KALRN: variants seen among roughly 807,000 people sequenced by gnomAD.
The protein encoded by KALRN is kalirin.
KALRN carries 70 observed loss-of-function variants against 353.7 expected under a neutral mutation model. The ratio of observed to expected loss-of-function variants is 0.20; its 90% CI spans 0.16 to 0.24. The LOEUF is 0.24. KALRN is among the 10% of genes least tolerant of loss of function. The pLI is 1.00. For synonymous variants in KALRN, 1,391 were observed against 1,434.8 expected (o/e 0.97, Z 0.69); for missense variants, 2,791 against 3,756.7 (o/e 0.74, Z 6.72).
At chr3:124,416,136 G>T (rs2092479543) in intron 14 of KALRN, among the ~76,000 whole-genome samples, 1 of 152,218 alleles carries the variant, frequency 6.6e-6, no homozygotes, top group African/African-American at 2.4e-5. Context: ...GAGAAGCTAT[G>T]CAGGGATGCT....
At position 124,720,888 on chromosome 3, in the gene KALRN, C is replaced by A. The variant is rs2063342973; in HGVS notation, c.*1418C>A. ...TTTTTTGTGTTTGTACATGATCCAC[C>A]CTTAGTTTTCTAGAATGTGTGTTGA... On this transcript the variant is annotated 3_prime_UTR_variant, in exon 60 of 60. Coordinates refer to ENST00000682506, the MANE Select transcript of KALRN (RefSeq NM_001388419.1). 6.6e-6 allele frequency: 1 copy of A among 151,864 alleles called. No individual in the cohort carries two copies. Among genetic ancestry groups the A allele is most frequent in the Non-Finnish European group, 1.5e-5 (1 of 67,966 alleles). The allele number at this position is 151,864 out of a possible 1,614,324, so 9.4% of individuals were successfully genotyped here. A position where few individuals can be genotyped will look rare whatever the true frequency, so the allele number is the denominator to read the frequency against.
At chr3:124,637,329 C>G (rs768744504) in intron 37 of KALRN, 26 bp downstream of exon 37, 1 of 1,513,684 alleles carries the variant, frequency 6.6e-7, no homozygotes, top group African/African-American at 1.4e-5. Context: ...GGAGGCAGTT[C>G]TGTGTGTGTC....
At position 124,717,172 on chromosome 3, in the gene KALRN, T is replaced by G. The variant is rs541939112; in HGVS notation, c.8277-75T>G. 4 of 1,379,052 alleles carry G rather than the reference T, an allele frequency of 2.9e-6. No homozygotes were observed. In the African/African-American group the frequency reaches 5.8e-5, roughly 20 times the overall value. 85.4% of individuals were successfully genotyped at this position (1,379,052 alleles called of 1,614,324 possible). On this transcript the variant is annotated intron_variant, in intron 58 of 59. Coordinates refer to ENST00000682506, the MANE Select transcript of KALRN (RefSeq NM_001388419.1). Reference sequence around the variant, plus strand: ...GTATGAGAGAGTTTAGAGATCTTACTGATTTGTACATGTGTTATTTTTCTA... The same window carrying G: ...GTATGAGAGAGTTTAGAGATCTTACGGATTTGTACATGTGTTATTTTTCTA...
At chr3:124,555,087 C>T (rs1291665250) in intron 33 of KALRN, among the ~76,000 whole-genome samples, 1 of 152,110 alleles carries the variant, frequency 6.6e-6, no homozygotes, top group Non-Finnish European at 1.5e-5. Flanking sequence ...TTAGCCCCAC[C>T]TGTAGGTCCA....
At chr3:124,615,594 A>G (rs1377655023) in intron 34 of KALRN, among the ~76,000 whole-genome samples, 1 of 152,262 alleles carries the variant, frequency 6.6e-6, no homozygotes, top group African/African-American at 2.4e-5. Context: ...TAAAGAGTAT[A>G]TAGGAATTAT....
Position 124,633,931 on chromosome 3 carries a change from A to G in KALRN, c.5546A>G (p.Asn1849Ser). Residue 1849 changes from asparagine to serine, a missense_variant, in exon 36 of 60, where the codon AAC (asparagine) becomes AGC (serine). This residue lies in a region of KALRN where 1,065 missense variants were observed against 1,156.4 expected (regional missense o/e 0.92). Coordinates refer to ENST00000682506, the MANE Select transcript of KALRN (RefSeq NM_001388419.1). The part of the protein sequence containing the change: ...PLPPPMKIFD[N>S]DPTQDEMSSS... ...CCACCACCTATGAAGATTTTTGACAACGACCCTACACAGGATGAAATGGTA... is the reference window on the plus strand; with the variant it reads ...CCACCACCTATGAAGATTTTTGACAGCGACCCTACACAGGATGAAATGGTA... The G allele has an allele frequency of 6.2e-7, 1 of 1,613,922 alleles. No homozygotes were observed. The highest frequency in any genetic ancestry group is 8.5e-7 in the Non-Finnish European group (1 of 1,179,856).
At chr3:124,507,115 T>G (rs899634564) in intron 33 of KALRN, among the ~76,000 whole-genome samples, 4 of 152,184 alleles carry the variant, frequency 2.6e-5, no homozygotes, top group African/African-American at 9.7e-5. Flanking sequence ...GAAAAAGGAT[T>G]TGAAGGTATA....
chr3:124,479,525 A>T (rs1010419317), intron 27 of KALRN, among the ~76,000 whole-genome samples: 3 of 152,134 alleles, frequency 2.0e-5, no homozygotes, highest in African/African-American at 7.2e-5. Context: ...AAAAGGCATA[A>T]TCTTTGTGGC....
intron 51 of KALRN, among the ~76,000 whole-genome samples, chr3:124,688,654 G>A (rs2061670667): frequency 6.6e-6 from 1 of 152,098 alleles, no homozygotes; most frequent in South Asian, 2.1e-4. Context: ...TTCTCAATAC[G>A]TAGTTTTGAG....
chr3:124,632,809 C>A, intron 35 of KALRN, 106 bp downstream of exon 35: 2 of 1,062,560 alleles, frequency 1.9e-6, no homozygotes, highest in South Asian at 3.1e-5. Flanking sequence ...TAGTGTGTTA[C>A]CTTGAGCCTA....
chr3:124,197,224 G>A (rs2141665), intron 1 of KALRN, among the ~76,000 whole-genome samples: 51,888 of 151,972 alleles, frequency 0.34, 8,914 homozygotes, highest in East Asian at 0.53. Flanking sequence ...CAGACTCCTA[G>A]CATGTTAAAC....
chr3:124,602,940 G>T (rs56713151), intron 34 of KALRN, among the ~76,000 whole-genome samples: 26 of 35,688 alleles, frequency 7.3e-4, no homozygotes, highest in East Asian at 3.6e-3. Flanking sequence ...AGTTTTCGTG[G>T]TTTTTTTTTT....
In KALRN at chr3:124,568,241, A is replaced by C. The variant is rs558526285; in HGVS notation, c.5182+5152A>C. Among the ~76,000 whole-genome samples the C allele has an allele frequency of 2.6e-5, 4 of 152,388 alleles. No homozygotes were observed. In the South Asian group the frequency reaches 6.2e-4, roughly 24 times the overall value. On this transcript the variant is annotated intron_variant, in intron 34 of 59. Transcript: ENST00000682506. ...AGATATACAAGTGACCAATAAGTACATGAAAAGATATTCAACATCACTAAT... is the reference window on the plus strand; with the variant it reads ...AGATATACAAGTGACCAATAAGTACCTGAAAAGATATTCAACATCACTAAT...
chr3:124,504,154 T>C (rs2064945394), intron 33 of KALRN, among the ~76,000 whole-genome samples: 3 of 152,122 alleles, frequency 2.0e-5, no homozygotes, highest in Admixed American at 2.0e-4. Flanking sequence ...GAAAAGGTGA[T>C]TTGCCAGTAG....
intron 1 of KALRN, among the ~76,000 whole-genome samples, chr3:124,051,062 G>A (rs997438422): frequency 2.0e-5 from 3 of 152,278 alleles, no homozygotes; most frequent in Non-Finnish European, 4.4e-5. Context: ...TGAGGCTCCC[G>A]AGATTGCCTT....
At chr3:124,081,520 C>G (rs1393891393) in intron 1 of KALRN, among the ~76,000 whole-genome samples, 3 of 152,206 alleles carry the variant, frequency 2.0e-5, no homozygotes, top group Admixed American at 2.0e-4. Context: ...CCTGTAATCC[C>G]AGCTCTTTGG....
intron 11 of KALRN, among the ~76,000 whole-genome samples, chr3:124,392,603 C>CT (rs1379585928): frequency 3.3e-5 from 3 of 90,624 alleles, no homozygotes; most frequent in Non-Finnish European, 4.7e-5. Flanking sequence ...ATTTTCTTTT[C>CT]TTTCTTTCTT....
At chr3:124,518,508 G>A in intron 33 of KALRN, 1 of 1,613,292 alleles carries the variant, frequency 6.2e-7, no homozygotes, top group Non-Finnish European at 8.5e-7. Flanking sequence ...GTTAGCCGTG[G>A]CACCGTTGGG....
chr3:124,129,978 A>G (rs761396486), intron 1 of KALRN, among the ~76,000 whole-genome samples: 6 of 152,238 alleles, frequency 3.9e-5, no homozygotes, highest in South Asian at 2.1e-4. Flanking sequence ...TGCTTTATAA[A>G]TGTGTATTGT....
Sources: gnomAD v4.1 joint callset for allele counts (sites outside exome capture counted in the v4.1 genomes callset) on GRCh38, gnomAD v4.1.1 for gene constraint, gnomAD v4.1.1 regional missense constraint, MANE v1.5 for transcripts, NCBI Gene and HGNC (gene_info 2026-07-23, HGNC 2026-07-21) for gene names.